Variants in TP63 observed in about 807,000 individuals in gnomAD.
TP63 encodes the protein tumor protein p63.
A neutral mutation model predicts 82.8 loss-of-function variants in TP63; 17 were observed. The ratio of observed to expected loss-of-function variants is 0.21; its 90% CI spans 0.14 to 0.31. The LOEUF is 0.31. TP63 is among the 10% of genes least tolerant of loss of function. TP63 has a pLI of 1.00. For synonymous variants in TP63, 330 were observed against 321.7 expected (o/e 1.03, Z -0.28); for missense variants, 648 against 895.3 (o/e 0.72, Z 3.52).
intron 1 of TP63, among the ~76,000 whole-genome samples, chr3:189,664,906 G>A (rs1714245745): frequency 6.6e-6 from 1 of 152,114 alleles, no homozygotes; most frequent in Admixed American, 6.6e-5. Context: ...TTGTATCGGA[G>A]CTAGCTTGTA....
chr3:189,667,038 A>C (rs1218403112), intron 1 of TP63, among the ~76,000 whole-genome samples: 1 of 151,748 alleles, frequency 6.6e-6, no homozygotes, highest in African/African-American at 2.4e-5. Flanking sequence ...AAAAAAAAAA[A>C]AAACTCATAA....
intron 3 of TP63, among the ~76,000 whole-genome samples, chr3:189,745,708 C>CAAAAAAAA (rs71298529): frequency 2.8e-4 from 5 of 17,796 alleles, no homozygotes; most frequent in Non-Finnish European, 4.0e-4. Flanking sequence ...AACTCCATCT[C>CAAAAAAAA]AAAAAAAAAA....
chr3:189,814,080 G>T (rs756289635), intron 4 of TP63, among the ~76,000 whole-genome samples: 3 of 152,182 alleles, frequency 2.0e-5, no homozygotes, highest in Admixed American at 1.3e-4. Context: ...TCTTGGTCTC[G>T]CAAGCTCACT....
intron 4 of TP63, among the ~76,000 whole-genome samples, chr3:189,844,620 C>A (rs1218123488): frequency 6.6e-6 from 1 of 152,104 alleles, no homozygotes; most frequent in Non-Finnish European, 1.5e-5. Flanking sequence ...AAAATAATAT[C>A]TTTCTCGATA....
At chr3:189,682,558 A>ATG in intron 1 of TP63, among the ~76,000 whole-genome samples, 1 of 2,900 alleles carries the variant, frequency 3.4e-4, no homozygotes, top group Non-Finnish European at 1.3e-3. Context: ...AAAAAAATAT[A>ATG]TATATATATA....
intron 1 of TP63, among the ~76,000 whole-genome samples, chr3:189,729,548 C>T (rs1405712886): frequency 6.6e-6 from 1 of 151,908 alleles, no homozygotes; most frequent in African/African-American, 2.4e-5. Context: ...AAATAAATTC[C>T]TTGATAAGAA....
chr3:189,684,810 T>C (rs1716300826), intron 1 of TP63, among the ~76,000 whole-genome samples: 1 of 152,014 alleles, frequency 6.6e-6, no homozygotes, highest in South Asian at 2.1e-4. Context: ...TTTTATATTT[T>C]TAGTAGAAAT....
intron 3 of TP63, among the ~76,000 whole-genome samples, chr3:189,787,787 A>C (rs540507066): frequency 6.6e-6 from 1 of 152,160 alleles, no homozygotes; most frequent in East Asian, 1.9e-4. Context: ...CATTTCCTCT[A>C]GATCATTGAT....
At chr3:189,878,846 C>T (rs1719574408) in intron 10 of TP63, among the ~76,000 whole-genome samples, 1 of 112,802 alleles carries the variant, frequency 8.9e-6, no homozygotes, top group African/African-American at 3.6e-5. Flanking sequence ...CCAGGCTGGT[C>T]TCAAACCCCT....
chr3:189,840,359 C>CTTTTTTTTTTTTTTTTTTTTT, intron 4 of TP63, among the ~76,000 whole-genome samples: 1 of 44,448 alleles, frequency 2.2e-5, no homozygotes, highest in Admixed American at 2.6e-4. Flanking sequence ...TGCTTTTCGT[C>CTTTTTTTTTTTTTTTTTTTTT]TTTTTTTTTT....
In TP63 at chr3:189,808,505, C is replaced by G. The variant is rs200355416; in HGVS notation, c.558C>G (p.Thr186=). The G allele has an allele frequency of 1.9e-6, 3 of 1,614,024 alleles. No individual in the cohort carries two copies. Among genetic ancestry groups the G allele is most frequent in the Non-Finnish European group, 2.5e-6 (3 of 1,180,052 alleles). The change falls in exon 4 of 14, where the codon ACC becomes ACG. Residue 186 remains threonine, a synonymous_variant. Coordinates refer to ENST00000264731, the MANE Select transcript of TP63 (RefSeq NM_003722.5). ...ACGTGTCCTTCCAGCAGTCGAGCAC[C>G]GCCAAGTCGGCCACCTGGACGGTAA... The part of the protein sequence containing the change: ...SFDVSFQQSS[T]AKSATWTYST...
intron 4 of TP63, among the ~76,000 whole-genome samples, chr3:189,820,785 A>G (rs952503484): frequency 6.6e-6 from 1 of 152,252 alleles, no homozygotes; most frequent in African/African-American, 2.4e-5. Flanking sequence ...AATTCAATCT[A>G]TCTACAATCT....
At chr3:189,873,020 A>T (rs1718621756) in intron 10 of TP63, 25 bp downstream of exon 10, 1 of 1,614,148 alleles carries the variant, frequency 6.2e-7, no homozygotes, top group East Asian at 2.2e-5. Context: ...GTGTCATTTT[A>T]GGAGGCATGA....
chr3:189,604,689 T>G, the TP63 span, among the ~76,000 whole-genome samples: 5 of 152,206 alleles, frequency 3.3e-5, no homozygotes, highest in Admixed American at 2.0e-4. Flanking sequence ...GGAAAGAAGT[T>G]GAGATTGAGT....
At chr3:189,814,858 A>C (rs1325458788) in intron 4 of TP63, among the ~76,000 whole-genome samples, 5 of 152,140 alleles carry the variant, frequency 3.3e-5, no homozygotes, top group Non-Finnish European at 7.4e-5. Flanking sequence ...AGCCTCCCAT[A>C]CTATTTTGAG....
intron 3 of TP63, among the ~76,000 whole-genome samples, chr3:189,786,299 G>T (rs1411912061): frequency 6.6e-6 from 1 of 151,812 alleles, no homozygotes; most frequent in Non-Finnish European, 1.5e-5. Context: ...TTTACATTGG[G>T]CTGGGAAAGG....
At chr3:189,632,530 T>C (rs868196730) in intron 1 of TP63, among the ~76,000 whole-genome samples, 1 of 152,116 alleles carries the variant, frequency 6.6e-6, no homozygotes, top group African/African-American at 2.4e-5. Flanking sequence ...ATGTGAGCTA[T>C]GTAGATTGTT....
intron 4 of TP63, among the ~76,000 whole-genome samples, chr3:189,858,403 CAA>C (rs1160961471): frequency 3.5e-4 from 1 of 2,880 alleles, no homozygotes. Flanking sequence ...GACTCCGTCT[CAA>C]AAAAAAAAAA....
chr3:189,880,219 A>ATGTGTATATGTGAGTGTGTGTG (rs1719761656), intron 10 of TP63: 3 of 1,598,362 alleles, frequency 1.9e-6, no homozygotes, highest in African/African-American at 1.3e-5. Flanking sequence ...TTGTATTTCC[A>ATGTGTATATGTGAGTGTGTGTG]TGTGTATATG....
Sources: allele counts gnomAD v4.1 joint callset (sites outside exome capture counted in the v4.1 genomes callset), GRCh38; gene constraint gnomAD v4.1.1; transcripts MANE v1.5; gene names NCBI Gene and HGNC (gene_info 2026-07-23, HGNC 2026-07-21).